The following SCML4 variants were observed in gnomAD, a reference collection of about 807,000 sequenced individuals.
SCML4 encodes the protein sex comb on midleg-like protein 4.
SCML4 carries 34 observed loss-of-function variants against 41.1 expected under a neutral mutation model. That is an observed-to-expected ratio of 0.83 (90% CI 0.63 to 1.10). The LOEUF (loss-of-function observed/expected upper bound fraction) is 1.10, where lower values mean the gene tolerates loss of function less well. Among genes scored for constraint, SCML4 ranks in the 50% least tolerant of loss-of-function variants. SCML4 has a pLI of 0.00. For missense variants in SCML4, 522 were observed against 534.1 expected (o/e 0.98, Z 0.22); for synonymous variants, 214 against 220.9 (o/e 0.97, Z 0.28).
At chr6:107,743,721 A>C (rs1161439063) in intron 5 of SCML4, among the ~76,000 whole-genome samples, 2 of 152,208 alleles carry the variant, frequency 1.3e-5, no homozygotes, top group Non-Finnish European at 2.9e-5. Flanking sequence ...AACCATATTT[A>C]ATTAGGTACC....
chr6:107,836,412 T>C, the SCML4 span, among the ~76,000 whole-genome samples: 10 of 152,054 alleles, frequency 6.6e-5, no homozygotes, highest in African/African-American at 2.4e-4. Context: ...ACTTAGCTAA[T>C]AAAACTAAAC....
At chr6:107,831,411 C>A in the SCML4 span, among the ~76,000 whole-genome samples, 36 of 107,496 alleles carry the variant, frequency 3.3e-4, no homozygotes, top group African/African-American at 4.5e-4. Flanking sequence ...TTTTCATTCT[C>A]AAAAAAAAAA....
intron 5 of SCML4, among the ~76,000 whole-genome samples, chr6:107,730,549 G>T (rs1021856866): frequency 6.6e-6 from 1 of 152,188 alleles, no homozygotes; most frequent in Non-Finnish European, 1.5e-5. Flanking sequence ...GACTAATGTT[G>T]CCATTTAAGA....
chr6:107,749,841 G>A (rs774387521), intron 2 of SCML4, 28 bp from the exon 3 acceptor site: 16 of 1,613,020 alleles, frequency 9.9e-6, no homozygotes, highest in Non-Finnish European at 1.4e-5. Context: ...TTTGGTCAAT[G>A]AGAATCTGGC....
chr6:107,712,100 G>T (rs1774280213), intron 6 of SCML4, among the ~76,000 whole-genome samples: 1 of 152,126 alleles, frequency 6.6e-6, no homozygotes, highest in South Asian at 2.1e-4. Context: ...ACTTATTAAA[G>T]ATGATTTCAC....
intron 1 of SCML4, among the ~76,000 whole-genome samples, chr6:107,802,609 A>G (rs1562272942): frequency 1.4e-5 from 2 of 141,260 alleles, no homozygotes; most frequent in South Asian, 4.8e-4. Context: ...GAAGGAAGGA[A>G]GGAAGGAAGG....
chr6:107,748,142 TG>T (rs1778298501), intron 3 of SCML4, among the ~76,000 whole-genome samples: 1 of 152,232 alleles, frequency 6.6e-6, no homozygotes, highest in African/African-American at 2.4e-5. Flanking sequence ...TTGCATACAT[TG>T]TAAAACATAG....
At chr6:107,709,025 G>A (rs2114345762) in intron 6 of SCML4, among the ~76,000 whole-genome samples, 1 of 152,114 alleles carries the variant, frequency 6.6e-6, no homozygotes, top group South Asian at 2.1e-4. Flanking sequence ...TGATGCTGAT[G>A]CCCTTCCACC....
In SCML4 at chr6:107,708,026, G is replaced by T; in HGVS notation, c.974-15C>A. The stretch of plus-strand genomic sequence containing the variant: ...AGGGCTTGAGGCTGGATGGGGCACA[G>T]AGAGGGAGACCATGAGCCAGTGGGA... On this transcript the variant is annotated splice_polypyrimidine_tract_variant and intron_variant, in intron 6 of 7. Coordinates refer to ENST00000369020, the MANE Select transcript of SCML4 (RefSeq NM_198081.5). 6.5e-7 allele frequency: 1 copy of T among 1,549,164 alleles called. No individual in the cohort carries two copies.
At chr6:107,805,362 A>G (rs1783645733) in intron 1 of SCML4, among the ~76,000 whole-genome samples, 1 of 152,236 alleles carries the variant, frequency 6.6e-6, no homozygotes, top group African/African-American at 2.4e-5. Flanking sequence ...AGGGATAACA[A>G]AGTCTAAATG....
At chr6:107,835,782 AAG>A in the SCML4 span, among the ~76,000 whole-genome samples, 1 of 151,598 alleles carries the variant, frequency 6.6e-6, no homozygotes, top group African/African-American at 2.4e-5. Context: ...AAAAAAAAAA[AAG>A]AGAGAGCAGA....
chr6:107,720,078 A>G (rs950400808), intron 6 of SCML4: 2 of 985,328 alleles, frequency 2.0e-6, no homozygotes, highest in African/African-American at 3.5e-5. Context: ...GCCTCTGCTC[A>G]TGTATTTGTA....
chr6:107,839,226 T>G, the SCML4 span, among the ~76,000 whole-genome samples: 1 of 150,962 alleles, frequency 6.6e-6, no homozygotes, highest in Non-Finnish European at 1.5e-5. Flanking sequence ...CCTGGAAGAC[T>G]GAGGCAGCAG....
Position 107,741,724 on chromosome 6 carries a change from A to G in SCML4, c.682+3225T>C, listed in dbSNP as rs75091561. Among the ~76,000 whole-genome samples the G allele has an allele frequency of 1.4e-3, 210 of 152,364 alleles. 1 individual carries two copies. The highest frequency in any genetic ancestry group is 4.9e-3 in the African/African-American group (203 of 41,584). On this transcript the variant is annotated intron_variant, in intron 5 of 7. Coordinates refer to ENST00000369020, the MANE Select transcript of SCML4 (RefSeq NM_198081.5). ...GGGCAATGCTTCAATCATTCACTAG[A>G]GCTAAGGCAAACCTGGGCTTAAGGT...
chr6:107,771,567 G>C (rs528219815), intron 2 of SCML4, among the ~76,000 whole-genome samples: 2 of 152,256 alleles, frequency 1.3e-5, no homozygotes, highest in East Asian at 3.9e-4. Flanking sequence ...ATTCTTATAA[G>C]GGTCACAGGA....
intron 1 of SCML4, among the ~76,000 whole-genome samples, chr6:107,792,620 T>C (rs1782418261): frequency 6.6e-6 from 1 of 151,762 alleles, no homozygotes; most frequent in South Asian, 2.1e-4. Flanking sequence ...TAGTCCCAGC[T>C]ATTCGGGAAG....
Position 107,803,234 on chromosome 6 carries a change from C to CT in SCML4, c.-60+20891_-60+20892insA, listed in dbSNP as rs71015513. Among the ~76,000 whole-genome samples the CT allele has an allele frequency of 9.2e-4, 124 of 134,654 alleles. 8 individuals are homozygous for CT. Among genetic ancestry groups the CT allele is most frequent in the African/African-American group, 3.6e-3 (117 of 32,744 alleles). The allele number at this position is 134,654 out of a possible 152,430, so 88.3% of individuals were successfully genotyped here. A position where few individuals can be genotyped will look rare whatever the true frequency, so the allele number is the denominator to read the frequency against. ...CTGAGATGTGGGGAGCGCCTCTGCCCGGCCGCCCTGTCTGAGAAGTGAGGA... is the reference window on the plus strand; with the variant it reads ...CTGAGATGTGGGGAGCGCCTCTGCCCTGGCCGCCCTGTCTGAGAAGTGAGGA... On this transcript the variant is annotated intron_variant, in intron 1 of 7. Coordinates refer to ENST00000369020, the MANE Select transcript of SCML4 (RefSeq NM_198081.5).
At chr6:107,772,044 G>A (rs963438678) in intron 2 of SCML4, 128 bp downstream of exon 2, 1 of 709,986 alleles carries the variant, frequency 1.4e-6, no homozygotes. Flanking sequence ...CTTCACCGAG[G>A]GAGGCTTATT....
chr6:107,755,764 A>G (rs1007993513), intron 2 of SCML4: 21 of 382,646 alleles, frequency 5.5e-5, no homozygotes, highest in Non-Finnish European at 6.7e-5. Context: ...CAATGTAAGG[A>G]AAAAAAACTC....
Sources: allele counts gnomAD v4.1 joint callset (sites outside exome capture counted in the v4.1 genomes callset), GRCh38; gene constraint gnomAD v4.1.1; transcripts MANE v1.5; gene names NCBI Gene and HGNC (gene_info 2026-07-23, HGNC 2026-07-21).